The following CELF2 variants were observed in gnomAD, a reference collection of about 807,000 sequenced individuals.
CELF2 encodes CUGBP Elav-like family member 2.
Under a neutral mutation model 62.6 loss-of-function variants are expected in CELF2, and 8 were observed. The ratio of observed to expected loss-of-function variants is 0.13; its 90% CI spans 0.07 to 0.23. The LOEUF (loss-of-function observed/expected upper bound fraction) is 0.23, where lower values mean the gene tolerates loss of function less well. CELF2 is among the 10% of genes least tolerant of loss of function. CELF2 has a pLI of 1.00. For synonymous variants in CELF2, 258 were observed against 250.0 expected, an observed-to-expected ratio of 1.03 and a Z score of -0.30; for missense variants, 333 against 671.0, an observed-to-expected ratio of 0.50 and a Z score of 5.56.
chr10:11,259,699 A>AT (rs2137973276), intron 5 of CELF2, among the ~76,000 whole-genome samples: 1 of 152,262 alleles, frequency 6.6e-6, no homozygotes, highest in Non-Finnish European at 1.5e-5. Context: ...CAGCCAAGGG[A>AT]TACTAGCATG....
chr10:11,240,094 G>C (rs1049930530), intron 3 of CELF2, among the ~76,000 whole-genome samples: 2 of 152,144 alleles, frequency 1.3e-5, no homozygotes, highest in Non-Finnish European at 1.5e-5. Context: ...ATCGTGATAT[G>C]TAAAAGAACA....
At chr10:10,836,237 G>T (rs1352118886) in intron 1 of CELF2, among the ~76,000 whole-genome samples, 1 of 151,976 alleles carries the variant, frequency 6.6e-6, no homozygotes, top group Non-Finnish European at 1.5e-5. Context: ...GAGGAGGGGG[G>T]ACCTGAAGAA....
chr10:11,196,977 G>T (rs2057706128), intron 2 of CELF2, among the ~76,000 whole-genome samples: 1 of 67,554 alleles, frequency 1.5e-5, no homozygotes, highest in Non-Finnish European at 3.4e-5. Context: ...AAGAAAGAAA[G>T]AGAGAAAGAA....
At chr10:10,655,810 A>G in the CELF2 span, among the ~76,000 whole-genome samples, 113 of 137,862 alleles carry the variant, frequency 8.2e-4, 1 homozygote, top group East Asian at 0.012. Context: ...ACATAGGCAC[A>G]GGCAAGGACT....
At chr10:10,808,370 C>T (rs2055461397) in intron 1 of CELF2, among the ~76,000 whole-genome samples, 1 of 152,072 alleles carries the variant, frequency 6.6e-6, no homozygotes, top group East Asian at 1.9e-4. Flanking sequence ...CATGAATTTC[C>T]ACCTCGCAAG....
chr10:10,603,390 C>T, the CELF2 span, among the ~76,000 whole-genome samples: 1 of 151,938 alleles, frequency 6.6e-6, no homozygotes, highest in African/African-American at 2.4e-5. Context: ...CAATGCATTC[C>T]CCATTCAAGC....
intron 1 of CELF2, among the ~76,000 whole-genome samples, chr10:11,066,980 A>C (rs1191621353): frequency 2.0e-5 from 3 of 152,180 alleles, no homozygotes; most frequent in Non-Finnish European, 4.4e-5. Flanking sequence ...ATGTGGCATG[A>C]TAGAACTCTT....
chr10:11,085,059 T>G (rs1407948877), intron 1 of CELF2, among the ~76,000 whole-genome samples: 1 of 152,234 alleles, frequency 6.6e-6, no homozygotes, highest in Non-Finnish European at 1.5e-5. Context: ...TTCTCAGTAT[T>G]TGAATTTACT....
the CELF2 span, among the ~76,000 whole-genome samples, chr10:10,650,756 G>T: frequency 1.3e-5 from 2 of 152,182 alleles, no homozygotes; most frequent in South Asian, 4.1e-4. Context: ...CAACCACTTT[G>T]GAAAAAGTTT....
chr10:10,961,677 C>T (rs372432319), intron 2 of CELF2, among the ~76,000 whole-genome samples: 28 of 151,230 alleles, frequency 1.9e-4, no homozygotes, highest in Admixed American at 5.3e-4. Flanking sequence ...GCCCAAGAGA[C>T]GGGGCAGAGA....
At chr10:10,878,982 A>G (rs2061281239) in intron 1 of CELF2, among the ~76,000 whole-genome samples, 1 of 151,306 alleles carries the variant, frequency 6.6e-6, no homozygotes, top group Non-Finnish European at 1.5e-5. Context: ...CACACTTCTC[A>G]CTCCCAGGGC....
At chr10:10,793,859 G>T (rs1268231178), upstream of CELF2, among the ~76,000 whole-genome samples, 1 of 152,152 alleles carries the variant, frequency 6.6e-6, no homozygotes, top group African/African-American at 2.4e-5. Flanking sequence ...AATCACCACA[G>T]TGATGCTGGT....
At chr10:10,791,995 A>T in the CELF2 span, among the ~76,000 whole-genome samples, 1 of 100,188 alleles carries the variant, frequency 1.0e-5, no homozygotes. Flanking sequence ...GGAAAAGAGA[A>T]GGAAGGGAGA....
At chr10:11,072,052 C>T (rs987748386) in intron 1 of CELF2, among the ~76,000 whole-genome samples, 1 of 152,180 alleles carries the variant, frequency 6.6e-6, no homozygotes, top group Non-Finnish European at 1.5e-5. Flanking sequence ...TAGGATCACA[C>T]AGCATGGTCA....
chr10:10,912,171 A>C (rs1186309783), intron 1 of CELF2, among the ~76,000 whole-genome samples: 1 of 150,730 alleles, frequency 6.6e-6, no homozygotes, highest in Non-Finnish European at 1.5e-5. Context: ...GGTTGCATTT[A>C]ATGCAGTCAC....
the CELF2 span, among the ~76,000 whole-genome samples, chr10:10,583,765 G>A: frequency 6.6e-6 from 1 of 152,148 alleles, no homozygotes; most frequent in African/African-American, 2.4e-5. Context: ...TCAGAAATGA[G>A]CTGTGATCAC....
At chr10:10,481,723 G>T in the CELF2 span, among the ~76,000 whole-genome samples, 2 of 152,204 alleles carry the variant, frequency 1.3e-5, no homozygotes, top group African/African-American at 4.8e-5. Context: ...TTTGTCTTCA[G>T]ATCTCGATAT....
intron 2 of CELF2, among the ~76,000 whole-genome samples, chr10:10,971,484 A>G (rs769736814): frequency 6.6e-6 from 1 of 151,880 alleles, no homozygotes; most frequent in Non-Finnish European, 1.5e-5. Flanking sequence ...TGCTGCACCC[A>G]CCCTAGTTAC....
At chr10:10,791,401 G>A in the CELF2 span, among the ~76,000 whole-genome samples, 1 of 151,592 alleles carries the variant, frequency 6.6e-6, no homozygotes, top group South Asian at 2.1e-4. Context: ...AGTAAACAAA[G>A]ATGTATTTTC....
Sources: gnomAD v4.1 joint callset for allele counts (sites outside exome capture counted in the v4.1 genomes callset) on GRCh38, gnomAD v4.1.1 for gene constraint, MANE v1.5 for transcripts, NCBI Gene and HGNC (gene_info 2026-07-23, HGNC 2026-07-21) for gene names.